CADM2: variants seen among roughly 807,000 people sequenced by gnomAD.
The protein encoded by CADM2 is cell adhesion molecule 2.
CADM2 carries 12 observed loss-of-function variants against 49.8 expected under a neutral mutation model. The observed-to-expected ratio is 0.24, with a 90% CI of 0.15 to 0.39. The LOEUF is 0.39. Ranked by LOEUF, CADM2 falls within the 10% of genes least tolerant of loss-of-function variation. The pLI is 1.00. For missense variants in CADM2, 378 were observed against 492.3 expected, an observed-to-expected ratio of 0.77 and a Z score of 2.20; for synonymous variants, 214 against 175.4, an observed-to-expected ratio of 1.22 and a Z score of -1.74.
intron 1 of CADM2, among the ~76,000 whole-genome samples, chr3:85,578,382 G>A (rs890311036): frequency 2.0e-5 from 3 of 152,196 alleles, no homozygotes; most frequent in Non-Finnish European, 4.4e-5. Context: ...GAGAGTAGGC[G>A]CTGGATTTTC....
At chr3:85,939,777 A>T (rs1721633629) in intron 7 of CADM2, among the ~76,000 whole-genome samples, 1 of 147,346 alleles carries the variant, frequency 6.8e-6, no homozygotes, top group Admixed American at 7.0e-5. Flanking sequence ...TGGTAACCAC[A>T]ATTTTTCTTT....
At chr3:85,563,852 C>A (rs571037074) in intron 1 of CADM2, among the ~76,000 whole-genome samples, 1 of 152,126 alleles carries the variant, frequency 6.6e-6, no homozygotes, top group African/African-American at 2.4e-5. Flanking sequence ...AAGTTGGGGA[C>A]CTCCCTGATT....
intron 1 of CADM2, among the ~76,000 whole-genome samples, chr3:85,232,916 T>C (rs1395845187): frequency 1.3e-5 from 2 of 152,162 alleles, no homozygotes; most frequent in East Asian, 3.9e-4. Flanking sequence ...GAGTTGAAAA[T>C]TTATGTCCAT....
chr3:86,055,837 C>A (rs1737920446), intron 8 of CADM2, among the ~76,000 whole-genome samples: 1 of 152,040 alleles, frequency 6.6e-6, no homozygotes, highest in Non-Finnish European at 1.5e-5. Flanking sequence ...AAAAGCAGAG[C>A]AGGTACCTAT....
intron 1 of CADM2, among the ~76,000 whole-genome samples, chr3:85,443,919 A>G (rs528626824): frequency 1.3e-5 from 2 of 152,134 alleles, no homozygotes; most frequent in East Asian, 3.9e-4. Flanking sequence ...GATGTTAGAT[A>G]GGTATCTCAG....
At chr3:85,490,442 G>A (rs1209079619) in intron 1 of CADM2, among the ~76,000 whole-genome samples, 6 of 151,992 alleles carry the variant, frequency 3.9e-5, no homozygotes, top group Admixed American at 3.9e-4. Flanking sequence ...AATCAGCCTG[G>A]GTGTGGTGGC....
chr3:85,811,857 GTTT>G (rs754800114), intron 3 of CADM2, among the ~76,000 whole-genome samples: 3 of 115,430 alleles, frequency 2.6e-5, no homozygotes, highest in Admixed American at 9.6e-5. Context: ...ATGCCTTGAT[GTTT>G]TTTTTTTTTT....
intron 1 of CADM2, among the ~76,000 whole-genome samples, chr3:84,993,994 G>T (rs964940789): frequency 1.3e-5 from 2 of 152,140 alleles, no homozygotes; most frequent in Admixed American, 6.5e-5. Context: ...ATTAGTGTAA[G>T]CTCAGGACCT....
intron 1 of CADM2, among the ~76,000 whole-genome samples, chr3:85,158,356 A>G (rs2040208117): frequency 6.6e-6 from 1 of 152,204 alleles, no homozygotes; most frequent in African/African-American, 2.4e-5. Flanking sequence ...TACCCAAAGG[A>G]CTATAAATCA....
intron 1 of CADM2, among the ~76,000 whole-genome samples, chr3:85,277,340 C>G (rs2043381124): frequency 6.6e-6 from 1 of 151,262 alleles, no homozygotes; most frequent in African/African-American, 2.4e-5. Context: ...ATCAATCTTC[C>G]TCTCCCTAAA....
At chr3:85,466,789 C>G (rs1014194554) in intron 1 of CADM2, among the ~76,000 whole-genome samples, 6 of 151,210 alleles carry the variant, frequency 4.0e-5, no homozygotes, top group Non-Finnish European at 8.8e-5. Context: ...CAACAGTTTC[C>G]CCCCATTGGA....
chr3:84,975,946 A>G (rs2031789836), intron 1 of CADM2, among the ~76,000 whole-genome samples: 1 of 151,914 alleles, frequency 6.6e-6, no homozygotes, highest in Admixed American at 6.6e-5. Context: ...CTCTGCTTAA[A>G]AGAACTGGGA....
At chr3:85,442,716 T>TA (rs1428931068) in intron 1 of CADM2, among the ~76,000 whole-genome samples, 3 of 149,502 alleles carry the variant, frequency 2.0e-5, no homozygotes, top group African/African-American at 7.4e-5. Context: ...CTTTAAGTGT[T>TA]AAATATAGTA....
chr3:85,252,262 T>G (rs765321353), intron 1 of CADM2, among the ~76,000 whole-genome samples: 4 of 151,902 alleles, frequency 2.6e-5, no homozygotes, highest in Non-Finnish European at 5.9e-5. Context: ...TGACATACAC[T>G]CAGGGAAAAG....
At chr3:85,352,950 A>C (rs2031493424) in intron 1 of CADM2, among the ~76,000 whole-genome samples, 1 of 152,074 alleles carries the variant, frequency 6.6e-6, no homozygotes, top group Non-Finnish European at 1.5e-5. Flanking sequence ...AATACTAGTG[A>C]GTCCTTAAGT....
At chr3:85,524,791 G>A (rs2061121313) in intron 1 of CADM2, among the ~76,000 whole-genome samples, 1 of 152,066 alleles carries the variant, frequency 6.6e-6, no homozygotes, top group Admixed American at 6.6e-5. Flanking sequence ...TTTGCTTTAT[G>A]TATTTGAGCT....
intron 1 of CADM2, among the ~76,000 whole-genome samples, chr3:84,969,360 C>T (rs982737717): frequency 4.6e-5 from 7 of 151,846 alleles, no homozygotes; most frequent in Non-Finnish European, 1.0e-4. Flanking sequence ...CAAAAGAATG[C>T]CATCTGCCCT....
rs1212324604 is a variant in CADM2, at chr3:86,065,640, C to A, written c.1006C>A (p.His336Asn). 6.2e-7 allele frequency: 1 copy of A among 1,613,874 alleles called. No individual in the cohort carries two copies. Residue 336 changes from histidine to asparagine, a missense_variant, in exon 9 of 10, where the codon CAT (histidine) becomes AAT (asparagine). His to Asn is a moderately conservative substitution (Grantham distance 68). Transcript: ENST00000383699. ...TTTGGCTGGCCAGAATGGCCCTGAC[C>A]ATGCTCTCATAGGAGGAATAGTGGC... ...NALAGQNGPDHALIGGIVAVV... is the reference protein window; with the variant it reads ...NALAGQNGPDNALIGGIVAVV...
At chr3:86,018,483 C>A (rs925359199) in intron 8 of CADM2, among the ~76,000 whole-genome samples, 88 of 152,120 alleles carry the variant, frequency 5.8e-4, no homozygotes, top group African/African-American at 1.9e-3. Context: ...AACTAGTTTA[C>A]AGTCCCACCA....
Sources: allele counts gnomAD v4.1 joint callset (sites outside exome capture counted in the v4.1 genomes callset), GRCh38; gene constraint gnomAD v4.1.1; transcripts MANE v1.5; gene names NCBI Gene and HGNC (gene_info 2026-07-23, HGNC 2026-07-21).